Variants in GRIK4 observed in about 807,000 individuals in gnomAD.
GRIK4 encodes glutamate ionotropic receptor kainate type subunit 4, also known as glutamate receptor ionotropic, kainate 4.
A neutral mutation model predicts 104.9 loss-of-function variants in GRIK4; 40 were observed. The observed-to-expected ratio is 0.38, with a 90% CI of 0.30 to 0.50. The LOEUF is 0.50. Ranked by LOEUF, GRIK4 falls within the 20% of genes least tolerant of loss-of-function variation. The pLI, the probability that GRIK4 is intolerant of heterozygous loss-of-function variation, is 0.93. For synonymous variants in GRIK4, 485 were observed against 524.9 expected (o/e 0.92, Z 1.04); for missense variants, 1,047 against 1,308.1 (o/e 0.80, Z 3.08).
intron 8 of GRIK4, among the ~76,000 whole-genome samples, chr11:120,853,882 C>G (rs1338358309): frequency 1.3e-5 from 2 of 152,180 alleles, no homozygotes; most frequent in African/African-American, 2.4e-5. Flanking sequence ...AGTGGCCTAG[C>G]CCAGTGCTGA....
chr11:120,775,619 G>A (rs910779808), intron 3 of GRIK4, among the ~76,000 whole-genome samples: 3 of 152,244 alleles, frequency 2.0e-5, no homozygotes, highest in Non-Finnish European at 4.4e-5. Context: ...TTAGGATGGG[G>A]CAGCGATGAG....
chr11:120,558,274 C>T (rs1948206669), intron 1 of GRIK4, among the ~76,000 whole-genome samples: 1 of 152,090 alleles, frequency 6.6e-6, no homozygotes, highest in African/African-American at 2.4e-5. Flanking sequence ...ATGTCAGCTC[C>T]TTTTCCTATA....
intron 14 of GRIK4, among the ~76,000 whole-genome samples, chr11:120,945,609 C>G (rs1397730622): frequency 6.6e-6 from 1 of 152,192 alleles, no homozygotes; most frequent in East Asian, 1.9e-4. Context: ...ATTAGGGAAC[C>G]TTACAGGGCC....
Position 120,633,114 on chromosome 11 carries a change from C to T in GRIK4, c.-158-20571C>T, listed in dbSNP as rs578125007. The stretch of plus-strand genomic sequence containing the variant: ...TGGCAGCTGCCCACAGAGCCACCAG[C>T]GCCATGCAGAAGAGTAGAGTCAACC... On this transcript the variant is annotated intron_variant, in intron 1 of 20. Coordinates refer to ENST00000527524, the MANE Select transcript of GRIK4 (RefSeq NM_014619.5). Among the ~76,000 whole-genome samples the T allele has an allele frequency of 3.3e-4, 50 of 152,220 alleles. No homozygotes were observed. In the East Asian group the frequency reaches 6.6e-3, roughly 20 times the overall value.
intron 13 of GRIK4, among the ~76,000 whole-genome samples, chr11:120,917,117 C>T (rs1943120286): frequency 6.6e-6 from 1 of 151,812 alleles, no homozygotes; most frequent in South Asian, 2.1e-4. Context: ...CATGGTGGCG[C>T]ATGCCTCTAA....
chr11:120,556,634 C>T (rs1391986501), intron 1 of GRIK4, among the ~76,000 whole-genome samples: 1 of 152,116 alleles, frequency 6.6e-6, no homozygotes, highest in African/African-American at 2.4e-5. Context: ...CCAGGGTCCT[C>T]AACTTACTGG....
intron 1 of GRIK4, among the ~76,000 whole-genome samples, chr11:120,526,784 G>A (rs1353320921): frequency 6.6e-6 from 1 of 152,186 alleles, no homozygotes; most frequent in Non-Finnish European, 1.5e-5. Flanking sequence ...GTGAGCCAGA[G>A]GTTGCAGTGA....
rs117459626 is a variant in GRIK4, at chr11:120,543,321, T to C, written c.-159+31434T>C. ...GCCTGGGTGTGGTGGCTCAAGCCTG[T>C]AATCCCAGCACTTTTCTGAGGCAGG... is the stretch of plus-strand genomic sequence containing the variant. On this transcript the variant is annotated intron_variant, in intron 1 of 20. Coordinates refer to ENST00000527524, the MANE Select transcript of GRIK4 (RefSeq NM_014619.5). Among the ~76,000 whole-genome samples, 1,492 of 152,256 alleles carry C rather than the reference T, an allele frequency of 9.8e-3. 6 individuals carry two copies. Among genetic ancestry groups the C allele is most frequent in the Middle Eastern group, 0.051 (15 of 294 alleles).
At chr11:120,679,986 CTCT>C (rs1565290993) in intron 3 of GRIK4, among the ~76,000 whole-genome samples, 1 of 152,200 alleles carries the variant, frequency 6.6e-6, no homozygotes, top group Non-Finnish European at 1.5e-5. Flanking sequence ...GCCTAGAATA[CTCT>C]TCTTCTCACC....
At chr11:120,561,922 G>A (rs982989274) in intron 1 of GRIK4, among the ~76,000 whole-genome samples, 3 of 152,248 alleles carry the variant, frequency 2.0e-5, no homozygotes, top group Non-Finnish European at 4.4e-5. Context: ...TGAAAAGGGT[G>A]CCAAATAAGG....
intron 13 of GRIK4, among the ~76,000 whole-genome samples, chr11:120,912,876 C>G (rs1368114608): frequency 6.6e-6 from 1 of 152,128 alleles, no homozygotes; most frequent in Non-Finnish European, 1.5e-5. Flanking sequence ...GGGATGGAGG[C>G]TGGAGATGAT....
At chr11:120,740,355 G>T (rs569277714) in intron 3 of GRIK4, among the ~76,000 whole-genome samples, 2 of 152,292 alleles carry the variant, frequency 1.3e-5, no homozygotes, top group Non-Finnish European at 2.9e-5. Context: ...TGCGGTGGCA[G>T]TAGCTCCCAG....
intron 8 of GRIK4, among the ~76,000 whole-genome samples, chr11:120,861,195 G>A (rs903896733): frequency 1.5e-5 from 2 of 133,966 alleles, no homozygotes; most frequent in Non-Finnish European, 3.1e-5. Context: ...TGCAACCTCC[G>A]CCTCCTGGGT....
chr11:120,771,754 A>G (rs1951946173), intron 3 of GRIK4, among the ~76,000 whole-genome samples: 1 of 152,218 alleles, frequency 6.6e-6, no homozygotes, highest in Non-Finnish European at 1.5e-5. Flanking sequence ...CTCCATCACT[A>G]TAGCTGCCCC....
chr11:120,698,999 G>A (rs190924791), intron 3 of GRIK4, among the ~76,000 whole-genome samples: 11 of 152,344 alleles, frequency 7.2e-5, no homozygotes, highest in Admixed American at 2.0e-4. Context: ...TTAAAATGGG[G>A]ATAAATTCTA....
intron 11 of GRIK4, among the ~76,000 whole-genome samples, chr11:120,878,260 C>A (rs1954872023): frequency 6.6e-6 from 1 of 152,216 alleles, no homozygotes; most frequent in Non-Finnish European, 1.5e-5. Context: ...AAAAGTTGGA[C>A]ATTCCCAGGC....
rs914760111 is a variant in GRIK4 at position 120,513,398 on chromosome 11, C to T, written c.-159+1511C>T. On this transcript the variant is annotated intron_variant, in intron 1 of 20. Coordinates refer to ENST00000527524, the MANE Select transcript of GRIK4 (RefSeq NM_014619.5). The surrounding 1 kb of genome is among the most constrained non-coding windows in gnomAD (Gnocchi z 4.5). Reference sequence around the variant, plus strand: ...GCCTGACTCCCTGACTGTCTGTGCTCGCGTGGTCAGGGGCGAGGGGCTTGT... The same window carrying T: ...GCCTGACTCCCTGACTGTCTGTGCTTGCGTGGTCAGGGGCGAGGGGCTTGT... Among the ~76,000 whole-genome samples, 7 of 152,118 alleles carry T rather than the reference C, an allele frequency of 4.6e-5. No individual in the cohort carries two copies. The highest frequency in any genetic ancestry group is 1.4e-4 in the African/African-American group (6 of 41,440).
intron 4 of GRIK4, among the ~76,000 whole-genome samples, chr11:120,814,563 C>T (rs956004391): frequency 6.6e-6 from 1 of 152,192 alleles, no homozygotes; most frequent in Non-Finnish European, 1.5e-5. Flanking sequence ...CACACCACTG[C>T]ACTCCAACCT....
At chr11:120,921,167 A>C (rs1215061291) in intron 13 of GRIK4, among the ~76,000 whole-genome samples, 1 of 152,186 alleles carries the variant, frequency 6.6e-6, no homozygotes, top group African/African-American at 2.4e-5. Flanking sequence ...CTGTTTTATG[A>C]TCTTCAAAGA....
Sources: gnomAD v4.1 joint callset for allele counts (sites outside exome capture counted in the v4.1 genomes callset) on GRCh38, gnomAD v4.1.1 for gene constraint, Gnocchi (gnomAD v3.1) non-coding constraint, MANE v1.5 for transcripts, NCBI Gene and HGNC (gene_info 2026-07-23, HGNC 2026-07-21) for gene names.